Variants in IQSEC1 observed in about 807,000 individuals in gnomAD.
The protein encoded by IQSEC1 is IQ motif and SEC7 domain-containing protein 1.
A neutral mutation model predicts 91.0 loss-of-function variants in IQSEC1; 31 were observed. That is an observed-to-expected ratio of 0.34 (90% CI 0.26 to 0.46). IQSEC1 has a LOEUF of 0.46. IQSEC1 is among the 20% of genes least tolerant of loss of function. IQSEC1 has a pLI of 1.00. For missense variants in IQSEC1, 1,388 were observed against 1,575.6 expected, an observed-to-expected ratio of 0.88 and a Z score of 2.02; for synonymous variants, 699 against 662.6, an observed-to-expected ratio of 1.05 and a Z score of -0.84.
At chr3:13,225,727 C>T (rs897437212) in intron 1 of IQSEC1, among the ~76,000 whole-genome samples, 4 of 152,194 alleles carry the variant, frequency 2.6e-5, no homozygotes, top group African/African-American at 9.7e-5. Flanking sequence ...GGTATATCCA[C>T]AGGACAATGG....
At position 12,909,691 on chromosome 3, in the gene IQSEC1, C is replaced by T. The variant is rs966700883; in HGVS notation, c.2417-257G>A. The stretch of plus-strand genomic sequence containing the variant: ...AGCTCAGGGGAGGCTGCTGGGGCCG[C>T]GTCCTGGAGGAGGACAGAGGTTGCG... On this transcript the variant is annotated intron_variant, in intron 10 of 13. Coordinates refer to ENST00000613206, the MANE Select transcript of IQSEC1 (RefSeq NM_001134382.3). This position sits in a 1 kb window ranked among gnomAD's most constrained non-coding sequence, Gnocchi z 4.9. Among the ~76,000 whole-genome samples the T allele has an allele frequency of 5.3e-5, 8 of 152,234 alleles. No individual in the cohort carries two copies. Among genetic ancestry groups the T allele is most frequent in the East Asian group, 1.9e-4 (1 of 5,198 alleles).
intron 1 of IQSEC1, among the ~76,000 whole-genome samples, chr3:13,254,488 C>G (rs979135533): frequency 6.6e-6 from 1 of 152,216 alleles, no homozygotes; most frequent in African/African-American, 2.4e-5. Context: ...TCCAAACCCC[C>G]CTGCACAAAG....
chr3:13,138,312 A>T (rs1576267449), intron 2 of IQSEC1, among the ~76,000 whole-genome samples: 3 of 137,218 alleles, frequency 2.2e-5, no homozygotes, highest in Admixed American at 2.2e-4. Context: ...TCCACTTCGG[A>T]CCTGGGGGAT....
At chr3:12,963,832 G>A (rs1700390689) in intron 1 of IQSEC1, among the ~76,000 whole-genome samples, 1 of 152,206 alleles carries the variant, frequency 6.6e-6, no homozygotes, top group Non-Finnish European at 1.5e-5. Context: ...GTGCATAAAG[G>A]AACACAGGAA....
At chr3:13,119,749 T>C (rs749065585) in intron 2 of IQSEC1, among the ~76,000 whole-genome samples, 3 of 152,230 alleles carry the variant, frequency 2.0e-5, no homozygotes, top group Non-Finnish European at 2.9e-5. Flanking sequence ...ACGATTGTGA[T>C]GGATGACACC....
rs1053242274 is a variant in IQSEC1, at chr3:12,979,504, G to A, written c.24-37639C>T. ...AGGCGGACACATGCACGCAGCACGC[G>A]CACACACACACTCTAAGATGTCCCT... On this transcript the variant is annotated intron_variant, in intron 1 of 13. Transcript: ENST00000613206. The surrounding 1 kb of genome is among the most constrained non-coding windows in gnomAD (Gnocchi z 4.3). Among the ~76,000 whole-genome samples, 5 of 152,164 alleles carry A rather than the reference G, an allele frequency of 3.3e-5. No homozygotes were observed. The highest frequency in any genetic ancestry group is 6.5e-5 in the Admixed American group (1 of 15,274).
intron 1 of IQSEC1, among the ~76,000 whole-genome samples, chr3:13,065,605 G>A (rs1045724297): frequency 6.6e-6 from 1 of 152,190 alleles, no homozygotes; most frequent in Non-Finnish European, 1.5e-5. Context: ...CGAAGATGTG[G>A]AGAAACCAGG....
intron 1 of IQSEC1, among the ~76,000 whole-genome samples, chr3:13,174,927 G>A (rs376474985): frequency 3.4e-5 from 5 of 148,648 alleles, no homozygotes; most frequent in African/African-American, 4.9e-5. Context: ...CACTCCTGCC[G>A]CAGGGCCCTG....
In IQSEC1 at chr3:12,977,376, G is replaced by A. The variant is rs186523137; in HGVS notation, c.24-35511C>T. ...GGAAAAAAAAAAAAAGCGCTATCCCGTTGGCAAAACGAATGGCCATCCTTG... is the reference window on the plus strand; with the variant it reads ...GGAAAAAAAAAAAAAGCGCTATCCCATTGGCAAAACGAATGGCCATCCTTG... On this transcript the variant is annotated intron_variant, in intron 1 of 13. Transcript: ENST00000613206. 4.7e-5 allele frequency among the ~76,000 whole-genome samples: 7 copies of A among 149,760 alleles called. No homozygotes were observed. In the East Asian group the frequency reaches 1.4e-3, roughly 29 times the overall value.
At chr3:13,164,826 C>G (rs1430218869) in intron 1 of IQSEC1, among the ~76,000 whole-genome samples, 1 of 152,216 alleles carries the variant, frequency 6.6e-6, no homozygotes, top group East Asian at 1.9e-4. Flanking sequence ...CTTCCTGGGT[C>G]TGAAGGAGCA....
Position 12,922,130 on chromosome 3 carries a change from C to T in IQSEC1, c.1843G>A (p.Glu615Lys). The change falls in exon 5 of 14, where the codon GAG becomes AAG. Residue 615 changes from glutamate to lysine, a missense_variant. This residue lies in a region of IQSEC1 where 1,059 missense variants were observed against 1,317.8 expected (regional missense o/e 0.80). Transcript: ENST00000613206. This position sits in a 1 kb window ranked among gnomAD's most constrained non-coding sequence, Gnocchi z 5.1. The part of the protein sequence containing the change: ...GEAQKVERLI[E>K]AFSQRYCICN... ...CAGCCCGGGCCCCACCTGAACGCCT[C>T]TATGAGCCGCTCCACTTTCTGAGCC... 2 of 1,606,630 alleles carry T rather than the reference C, an allele frequency of 1.2e-6. No individual in the cohort carries two copies. The highest frequency in any genetic ancestry group is 1.7e-6 in the Non-Finnish European group (2 of 1,175,036).
chr3:13,085,997 G>T (rs1310756747), intron 2 of IQSEC1, among the ~76,000 whole-genome samples: 1 of 152,220 alleles, frequency 6.6e-6, no homozygotes, highest in Non-Finnish European at 1.5e-5. Context: ...TCTACCCCCA[G>T]TCTGGCTGGT....
intron 2 of IQSEC1, among the ~76,000 whole-genome samples, chr3:13,162,899 T>C (rs568888366): frequency 1.4e-5 from 2 of 141,024 alleles, no homozygotes; most frequent in South Asian, 2.5e-4. Flanking sequence ...CCCCCGGGCA[T>C]CCCCCCCTTA....
chr3:13,053,364 G>A (rs545424865), intron 1 of IQSEC1, among the ~76,000 whole-genome samples: 26 of 152,304 alleles, frequency 1.7e-4, no homozygotes, highest in East Asian at 9.7e-4. Flanking sequence ...AGTTCTGTCC[G>A]TTTTAAAAGA....
At chr3:12,987,596 T>C (rs1701804050) in intron 1 of IQSEC1, among the ~76,000 whole-genome samples, 1 of 152,244 alleles carries the variant, frequency 6.6e-6, no homozygotes, top group Admixed American at 6.5e-5. Context: ...GTTGACTACT[T>C]GAATTAAGAA....
intron 1 of IQSEC1, chr3:13,021,987 C>T: frequency 8.4e-7 from 1 of 1,193,574 alleles, no homozygotes; most frequent in East Asian, 3.2e-5. Flanking sequence ...CCATCCGGCC[C>T]AACAGTCGAC....
intron 12 of IQSEC1, among the ~76,000 whole-genome samples, 181 bp from the exon 13 acceptor site, chr3:12,903,003 C>T (rs919144009): frequency 6.6e-6 from 1 of 151,802 alleles, no homozygotes; most frequent in African/African-American, 2.4e-5. Context: ...GTGGGGAAGC[C>T]AGCAGCAGTG....
At chr3:12,910,894 C>A (rs1360130437) in intron 10 of IQSEC1, among the ~76,000 whole-genome samples, 1 of 152,168 alleles carries the variant, frequency 6.6e-6, no homozygotes, top group Non-Finnish European at 1.5e-5. Flanking sequence ...CCAGGTGGCC[C>A]CCTGCTCCCC....
intron 2 of IQSEC1, among the ~76,000 whole-genome samples, chr3:13,129,844 G>C (rs1270848895): frequency 2.0e-5 from 3 of 151,566 alleles, no homozygotes; most frequent in East Asian, 3.9e-4. Flanking sequence ...GTTTTTAGTA[G>C]AGACAGGGTT....
Sources: gnomAD v4.1 joint callset for allele counts (sites outside exome capture counted in the v4.1 genomes callset) on GRCh38, gnomAD v4.1.1 for gene constraint, gnomAD v4.1.1 regional missense constraint, Gnocchi (gnomAD v3.1) non-coding constraint, MANE v1.5 for transcripts, NCBI Gene and HGNC (gene_info 2026-07-23, HGNC 2026-07-21) for gene names.